The following MTA3 variants were observed in gnomAD, a reference collection of about 807,000 sequenced individuals.
MTA3 encodes the protein metastasis-associated protein MTA3.
In MTA3, 34 loss-of-function variants were observed where a neutral mutation model predicts 83.5. The observed-to-expected ratio is 0.41, with a 90% CI of 0.31 to 0.54. The LOEUF is 0.54. Among genes scored for constraint, MTA3 ranks in the 20% least tolerant of loss-of-function variants. The probability of loss-of-function intolerance (pLI) is 0.33; values close to 1 mark genes in which losing one functional copy is unlikely to be tolerated. For synonymous variants in MTA3, 303 were observed against 252.7 expected, an observed-to-expected ratio of 1.20 and a Z score of -1.89; for missense variants, 761 against 726.4, an observed-to-expected ratio of 1.05 and a Z score of -0.55.
At chr2:42,668,740 A>G (rs1211944034) in intron 8 of MTA3, among the ~76,000 whole-genome samples, 1 of 152,166 alleles carries the variant, frequency 6.6e-6, no homozygotes, top group Non-Finnish European at 1.5e-5. Flanking sequence ...GCTATGATTA[A>G]CCATACCATT....
intron 4 of MTA3, among the ~76,000 whole-genome samples, chr2:42,630,693 A>G (rs1025374866): frequency 2.0e-5 from 3 of 152,178 alleles, no homozygotes; most frequent in African/African-American, 7.2e-5. Context: ...TAAAAATAAT[A>G]CTATAATGAA....
chr2:42,570,125 T>G (rs1007852392), intron 1 of MTA3, among the ~76,000 whole-genome samples: 1 of 152,162 alleles, frequency 6.6e-6, no homozygotes, highest in Non-Finnish European at 1.5e-5. Context: ...GGACACATGT[T>G]TAGCGTGCCC....
chr2:42,634,219 A>T (rs1274707628), intron 4 of MTA3, among the ~76,000 whole-genome samples: 5 of 152,348 alleles, frequency 3.3e-5, no homozygotes, highest in African/African-American at 1.2e-4. Context: ...GAGTCATTGT[A>T]CATAATCCTT....
intron 2 of MTA3, among the ~76,000 whole-genome samples, chr2:42,558,583 T>C (rs1163998876): frequency 9.6e-5 from 14 of 145,884 alleles, no homozygotes; most frequent in Non-Finnish European, 2.1e-4. Flanking sequence ...TGAGACAGAG[T>C]CTCACTCTCT....
intron 8 of MTA3, among the ~76,000 whole-genome samples, chr2:42,664,547 C>T (rs1484595351): frequency 2.9e-5 from 4 of 136,378 alleles, no homozygotes; most frequent in Non-Finnish European, 4.6e-5. Context: ...GATCTTGGCT[C>T]ACTGCAACCT....
intron 4 of MTA3, among the ~76,000 whole-genome samples, chr2:42,636,273 GCTCATGT>G (rs1211376867): frequency 6.6e-6 from 1 of 152,154 alleles, no homozygotes; most frequent in Non-Finnish European, 1.5e-5. Context: ...AAGTGTGGTG[GCTCATGT>G]CTATAATCCC....
At position 42,573,068 on chromosome 2, in the gene MTA3, T is replaced by C. The variant is rs1042589151; in HGVS notation, c.96+2564T>C. Among the ~76,000 whole-genome samples the C allele has an allele frequency of 3.9e-5, 6 of 152,316 alleles. No homozygotes were observed. The South Asian group carries it at 1.0e-3, about 26-fold the overall frequency. The stretch of plus-strand genomic sequence containing the variant: ...GGTACCAGAAAGCAGTCAAGCTGCA[T>C]GGACCATGGATTTTCTAATGATGTT... On this transcript the variant is annotated intron_variant, in intron 2 of 16. Coordinates refer to ENST00000405094, the MANE Select transcript of MTA3 (RefSeq NM_001330442.2).
At chr2:42,626,612 A>T (rs1160692269) in intron 4 of MTA3, among the ~76,000 whole-genome samples, 1 of 151,980 alleles carries the variant, frequency 6.6e-6, no homozygotes, top group African/African-American at 2.4e-5. Flanking sequence ...CTTCAGTTTT[A>T]TGGGCTGACT....
intron 3 of MTA3, among the ~76,000 whole-genome samples, chr2:42,594,473 G>A (rs1681446710): frequency 6.7e-6 from 1 of 150,060 alleles, no homozygotes; most frequent in Non-Finnish European, 1.5e-5. Context: ...CCTGACCTCA[G>A]GTGATCCACC....
chr2:42,720,728 G>A (rs1279925030), intron 15 of MTA3, among the ~76,000 whole-genome samples: 6 of 151,844 alleles, frequency 4.0e-5, no homozygotes, highest in Admixed American at 3.3e-4. Context: ...AGAGGCAGGC[G>A]GATTGCTTGA....
chr2:42,683,298 C>A (rs1399413528), intron 9 of MTA3, among the ~76,000 whole-genome samples: 1 of 152,150 alleles, frequency 6.6e-6, no homozygotes, highest in Non-Finnish European at 1.5e-5. Context: ...ATTGTTGAGC[C>A]TGAATTTGAT....
chr2:42,592,855 C>G (rs937309431), intron 3 of MTA3, among the ~76,000 whole-genome samples: 3 of 151,904 alleles, frequency 2.0e-5, no homozygotes, highest in East Asian at 1.9e-4. Flanking sequence ...AGAATACACT[C>G]TAAGACAACA....
At chr2:42,731,308 T>C (rs1668213337) in intron 16 of MTA3, among the ~76,000 whole-genome samples, 1 of 152,224 alleles carries the variant, frequency 6.6e-6, no homozygotes, top group Non-Finnish European at 1.5e-5. Context: ...TATGAAGTAT[T>C]TCTAATTTTT....
intron 13 of MTA3, 44 bp from the exon 14 acceptor site, chr2:42,708,826 TTGGG>T: frequency 6.2e-7 from 1 of 1,601,296 alleles, no homozygotes; most frequent in Non-Finnish European, 8.5e-7. Flanking sequence ...AGTAACGTGT[TTGGG>T]CAAGTTCACT....
intron 2 of MTA3, among the ~76,000 whole-genome samples, chr2:42,502,810 A>AG (rs1674455299): frequency 6.7e-6 from 1 of 149,750 alleles, no homozygotes; most frequent in Non-Finnish European, 1.5e-5. Context: ...AAAAAAAAAA[A>AG]AAATTAGCCG....
intron 4 of MTA3, chr2:42,614,119 C>CG (rs1446881660): frequency 1.3e-5 from 2 of 151,864 alleles, no homozygotes; most frequent in Non-Finnish European, 2.9e-5. Context: ...TTTTCTGAGA[C>CG]GGAGTTTTGC....
intron 16 of MTA3, among the ~76,000 whole-genome samples, chr2:42,747,674 A>G (rs911723123): frequency 2.0e-5 from 3 of 151,874 alleles, no homozygotes; most frequent in Non-Finnish European, 4.4e-5. Flanking sequence ...CAGGCCTCAG[A>G]AAACAGAATC....
chr2:42,676,073 G>A (rs549732601), intron 8 of MTA3, among the ~76,000 whole-genome samples: 4 of 152,264 alleles, frequency 2.6e-5, no homozygotes, highest in East Asian at 1.9e-4. Flanking sequence ...ATAAATGTGC[G>A]CTTTGGAGGT....
intron 2 of MTA3, among the ~76,000 whole-genome samples, chr2:42,541,277 C>T (rs1461578035): frequency 2.0e-5 from 3 of 152,146 alleles, no homozygotes; most frequent in Non-Finnish European, 2.9e-5. Flanking sequence ...GTGATCCACC[C>T]GCCTCGGCCT....
Sources: allele counts gnomAD v4.1 joint callset (sites outside exome capture counted in the v4.1 genomes callset), GRCh38; gene constraint gnomAD v4.1.1; transcripts MANE v1.5; gene names NCBI Gene and HGNC (gene_info 2026-07-23, HGNC 2026-07-21).